Variants in PGM5 observed in about 807,000 individuals in gnomAD.
PGM5 encodes phosphoglucomutase 5, also known as phosphoglucomutase-like protein 5.
A neutral mutation model predicts 59.2 loss-of-function variants in PGM5; 23 were observed. That is an observed-to-expected ratio of 0.39 (90% CI 0.28 to 0.55). The LOEUF is 0.55. Ranked by LOEUF, PGM5 falls within the 20% of genes least tolerant of loss-of-function variation. The pLI, the probability that PGM5 is intolerant of heterozygous loss-of-function variation, is 0.66. For missense variants in PGM5, 574 were observed against 748.3 expected (o/e 0.77, Z 2.72); for synonymous variants, 214 against 286.0 (o/e 0.75, Z 2.54).
intron 10 of PGM5, among the ~76,000 whole-genome samples, chr9:68,501,559 T>G (rs1246297866): frequency 6.6e-6 from 1 of 152,206 alleles, no homozygotes; most frequent in Non-Finnish European, 1.5e-5. Context: ...AAAAGTAAGA[T>G]GTACTCCTGA....
chr9:68,415,425 T>C (rs1363665676), intron 6 of PGM5, among the ~76,000 whole-genome samples: 1 of 147,288 alleles, frequency 6.8e-6, no homozygotes, highest in East Asian at 2.0e-4. Context: ...GGGCTGACAA[T>C]GGGGACACCT....
chr9:68,445,428 G>A (rs527817154), intron 6 of PGM5, among the ~76,000 whole-genome samples: 1 of 152,302 alleles, frequency 6.6e-6, no homozygotes, highest in African/African-American at 2.4e-5. Flanking sequence ...CTTAGAAAAT[G>A]TTTAAAGTTG....
chr9:68,433,351 TG>T (rs1823386297), intron 6 of PGM5, among the ~76,000 whole-genome samples: 1 of 152,254 alleles, frequency 6.6e-6, no homozygotes, highest in Non-Finnish European at 1.5e-5. Context: ...CAAATTGATT[TG>T]CCCAATTTCA....
At chr9:68,525,952 A>G (rs935840763) in intron 10 of PGM5, among the ~76,000 whole-genome samples, 4 of 152,098 alleles carry the variant, frequency 2.6e-5, no homozygotes, top group African/African-American at 9.7e-5. Context: ...GCTACTCAGG[A>G]GGCTGAGACA....
chr9:68,359,251 A>T (rs188354210), intron 1 of PGM5, among the ~76,000 whole-genome samples: 6 of 152,358 alleles, frequency 3.9e-5, no homozygotes, highest in Non-Finnish European at 8.8e-5. Context: ...AATTTATTTT[A>T]ACAGATAATT....
At chr9:68,474,182 T>A (rs1216916860) in intron 7 of PGM5, among the ~76,000 whole-genome samples, 11 of 152,348 alleles carry the variant, frequency 7.2e-5, no homozygotes, top group African/African-American at 1.4e-4. Flanking sequence ...TGTATTTTTT[T>A]AAAATCTCCT....
rs550850791 is a variant in PGM5, at chr9:68,360,203, G to A, written c.261+2815G>A. 3.0e-4 allele frequency among the ~76,000 whole-genome samples: 45 copies of A among 151,904 alleles called. 1 individual carries two copies. The South Asian group carries it at 7.9e-3, about 27-fold the overall frequency. On this transcript the variant is annotated intron_variant, in intron 1 of 10. Coordinates refer to ENST00000396396, the MANE Select transcript of PGM5 (RefSeq NM_021965.4). The stretch of plus-strand genomic sequence containing the variant: ...GTAATTGCTGGAGAAGAAAAACATG[G>A]CATTTCTAAAATGATGAACTATATT...
At chr9:68,393,763 A>G (rs1472212133) in intron 6 of PGM5, 1 of 152,152 alleles carries the variant, frequency 6.6e-6, no homozygotes, top group African/African-American at 2.4e-5. Flanking sequence ...CCATTCCTAA[A>G]TATTTACCCA....
intron 1 of PGM5, among the ~76,000 whole-genome samples, chr9:68,361,636 T>C (rs1194060134): frequency 6.6e-6 from 1 of 152,236 alleles, no homozygotes; most frequent in Non-Finnish European, 1.5e-5. Context: ...TGGGAGAGAC[T>C]AGCTAGCTCT....
rs377279682 is a variant in PGM5 at position 68,512,491 on chromosome 9, C to G, written c.1614+13130C>G. ...GATGAGTGTGTTGACAGAGCTGGTT[C>G]CCTCTGAGGGCTGTGAGGGAAGGAT... is the stretch of plus-strand genomic sequence containing the variant. On this transcript the variant is annotated intron_variant, in intron 10 of 10. Transcript: ENST00000396396. 2.5e-4 allele frequency among the ~76,000 whole-genome samples: 38 copies of G among 152,272 alleles called. 1 individual carries two copies. The South Asian group carries it at 7.3e-3, about 29-fold the overall frequency.
At chr9:68,499,034 A>G (rs1824527064) in intron 9 of PGM5, 193 bp from the exon 10 acceptor site, 1 of 597,070 alleles carries the variant, frequency 1.7e-6, no homozygotes, top group African/African-American at 1.9e-5. Context: ...GAAATAGAAT[A>G]AAGAGACAAA....
At position 68,389,548 on chromosome 9, in the gene PGM5, T is replaced by A. The variant is rs183873762; in HGVS notation, c.697+1960T>A. Among the ~76,000 whole-genome samples the A allele has an allele frequency of 7.4e-4, 112 of 152,296 alleles. 1 individual carries two copies. The highest frequency in any genetic ancestry group is 2.6e-3 in the African/African-American group (107 of 41,578). On this transcript the variant is annotated intron_variant, in intron 4 of 10. Coordinates refer to ENST00000396396, the MANE Select transcript of PGM5 (RefSeq NM_021965.4). ...TTCACTCAGCATAATAATTTCGATA[T>A]ACATTCCTGGTGTTGCATGTATCAG...
intron 10 of PGM5, among the ~76,000 whole-genome samples, chr9:68,499,727 CTT>C (rs1824542363): frequency 6.6e-6 from 1 of 152,160 alleles, no homozygotes; most frequent in Non-Finnish European, 1.5e-5. Flanking sequence ...GCTTATGTAA[CTT>C]TTGAATCTCC....
chr9:68,449,202 C>T lies in PGM5; in HGVS notation c.1044-15891C>T, dbSNP rs542283055. On this transcript the variant is annotated intron_variant, in intron 6 of 10. Transcript: ENST00000396396. ...GAACTAATCACCTCCCAAAGCCTAC[C>T]TCCTAATAATATCACGTTGGGGGTT... Among the ~76,000 whole-genome samples the T allele has an allele frequency of 3.3e-4, 51 of 152,326 alleles. 1 individual carries two copies. The South Asian group carries it at 7.9e-3, about 23-fold the overall frequency.
chr9:68,450,236 C>T (rs1442927021), intron 6 of PGM5, among the ~76,000 whole-genome samples: 1 of 152,048 alleles, frequency 6.6e-6, no homozygotes, highest in African/African-American at 2.4e-5. Context: ...AAACAAGAAT[C>T]TCTAGAAATA....
At chr9:68,375,966 G>A (rs530967356) in intron 1 of PGM5, among the ~76,000 whole-genome samples, 2 of 152,254 alleles carry the variant, frequency 1.3e-5, no homozygotes, top group Non-Finnish European at 2.9e-5. Context: ...AGGAATAGCT[G>A]TTCTGTTCCG....
intron 6 of PGM5, among the ~76,000 whole-genome samples, chr9:68,432,481 G>A (rs1028290578): frequency 4.9e-4 from 75 of 151,896 alleles, no homozygotes; most frequent in Non-Finnish European, 8.2e-4. Flanking sequence ...GATTACAGGC[G>A]TGAGCCATTG....
intron 9 of PGM5, among the ~76,000 whole-genome samples, chr9:68,494,975 G>A (rs782612799): frequency 5.3e-5 from 8 of 152,278 alleles, no homozygotes; most frequent in Admixed American, 3.3e-4. Flanking sequence ...TTTAGTTGTC[G>A]AACGTGCAGT....
At chr9:68,443,326 C>A (rs1222175884) in intron 6 of PGM5, among the ~76,000 whole-genome samples, 1 of 152,006 alleles carries the variant, frequency 6.6e-6, no homozygotes, top group Non-Finnish European at 1.5e-5. Flanking sequence ...ATTATGGAGA[C>A]AAAAACAAAG....
Sources: gnomAD v4.1 joint callset for allele counts (sites outside exome capture counted in the v4.1 genomes callset) on GRCh38, gnomAD v4.1.1 for gene constraint, MANE v1.5 for transcripts, NCBI Gene and HGNC (gene_info 2026-07-23, HGNC 2026-07-21) for gene names.